IPCEF1: variants seen among roughly 807,000 people sequenced by gnomAD.
The protein encoded by IPCEF1 is interaction protein for cytohesin exchange factors 1, also known as interactor protein for cytohesin exchange factors 1.
Under a neutral mutation model 50.9 loss-of-function variants are expected in IPCEF1, and 31 were observed. The ratio of observed to expected loss-of-function variants is 0.61; its 90% CI spans 0.46 to 0.82. The LOEUF (loss-of-function observed/expected upper bound fraction) is 0.82. Among genes scored for constraint, IPCEF1 ranks in the 40% least tolerant of loss-of-function variants. The pLI, the probability that IPCEF1 is intolerant of heterozygous loss-of-function variation, is 0.00. For synonymous variants in IPCEF1, 181 were observed against 192.0 expected, an observed-to-expected ratio of 0.94 and a Z score of 0.47; for missense variants, 458 against 514.0, an observed-to-expected ratio of 0.89 and a Z score of 1.05.
intron 9 of IPCEF1, among the ~76,000 whole-genome samples, chr6:154,204,235 T>G (rs1048193244): frequency 6.6e-6 from 1 of 152,202 alleles, no homozygotes; most frequent in Non-Finnish European, 1.5e-5. Context: ...ATCCTTTTCT[T>G]GGAATTGTTT....
At chr6:154,337,491 G>T (rs1201189911) in intron 1 of IPCEF1, among the ~76,000 whole-genome samples, 4 of 152,170 alleles carry the variant, frequency 2.6e-5, no homozygotes, top group Non-Finnish European at 5.9e-5. Flanking sequence ...ATAAGCAAAA[G>T]AATCTCTGAG....
intron 11 of IPCEF1, among the ~76,000 whole-genome samples, chr6:154,162,220 G>C (rs935195829): frequency 6.6e-6 from 1 of 152,168 alleles, no homozygotes; most frequent in Admixed American, 6.5e-5. Context: ...TCTCTCCTCT[G>C]ACTCACCAAC....
chr6:154,226,510 C>A (rs1169379896), intron 5 of IPCEF1, among the ~76,000 whole-genome samples: 1 of 152,122 alleles, frequency 6.6e-6, no homozygotes, highest in Non-Finnish European at 1.5e-5. Context: ...GGTGCCCATG[C>A]AGGTAAACTC....
chr6:154,247,268 T>C (rs935023687), intron 4 of IPCEF1, 181 bp downstream of exon 4: 31 of 570,406 alleles, frequency 5.4e-5, no homozygotes, highest in Non-Finnish European at 9.1e-5. Flanking sequence ...TTAATCCAAA[T>C]GAACAACATG....
chr6:154,260,443 C>A (rs1781567967), intron 3 of IPCEF1, among the ~76,000 whole-genome samples: 1 of 151,422 alleles, frequency 6.6e-6, no homozygotes, highest in Admixed American at 6.6e-5. Flanking sequence ...TTTAGTTGAA[C>A]AGCGTTACTA....
intron 11 of IPCEF1, among the ~76,000 whole-genome samples, chr6:154,166,790 C>T (rs904024601): frequency 2.6e-5 from 4 of 152,108 alleles, no homozygotes; most frequent in African/African-American, 9.7e-5. Flanking sequence ...ACAGTAAAAT[C>T]CCAACACGCT....
intron 10 of IPCEF1, among the ~76,000 whole-genome samples, chr6:154,194,368 C>T (rs1165494979): frequency 6.6e-6 from 1 of 152,138 alleles, no homozygotes; most frequent in Non-Finnish European, 1.5e-5. Flanking sequence ...CATTGCACTC[C>T]AGCATGGGCA....
At chr6:154,324,764 C>T (rs778620735) in intron 1 of IPCEF1, among the ~76,000 whole-genome samples, 3 of 152,020 alleles carry the variant, frequency 2.0e-5, no homozygotes, top group Admixed American at 6.6e-5. Flanking sequence ...GCTGAGATCG[C>T]GCTACTGTAC....
At chr6:154,284,173 T>C (rs1471093110) in intron 2 of IPCEF1, among the ~76,000 whole-genome samples, 1 of 152,210 alleles carries the variant, frequency 6.6e-6, no homozygotes, top group Admixed American at 6.5e-5. Context: ...GAAAGTACCA[T>C]TAATATAATT....
At chr6:154,266,087 T>TAGCCTTTCGGCTA in intron 2 of IPCEF1, 123 bp from the exon 3 acceptor site, 1 of 632,614 alleles carries the variant, frequency 1.6e-6, no homozygotes, top group Non-Finnish European at 2.7e-6. Flanking sequence ...ATAAAAGTAA[T>TAGCCTTTCGGCTA]TCATTAAATA....
chr6:154,304,051 C>T (rs1782867220), intron 1 of IPCEF1, among the ~76,000 whole-genome samples: 1 of 149,856 alleles, frequency 6.7e-6, no homozygotes, highest in Admixed American at 6.6e-5. Context: ...ATAAGAAGAT[C>T]CCACTTTTGT....
rs1050505174 is a variant in IPCEF1, at chr6:154,154,812, G to C, written c.*5016C>G. 5.9e-5 allele frequency: 9 copies of C among 152,380 alleles called. No homozygotes were observed. 9.4% of individuals were successfully genotyped at this position (152,380 alleles called of 1,614,324 possible). On this transcript the variant is annotated 3_prime_UTR_variant, in exon 12 of 12. Coordinates refer to ENST00000367220, the MANE Select transcript of IPCEF1 (RefSeq NM_001130700.2). ...CCATGCCTCTTTTTCAGTTTAGAGG[G>C]GTAGCTGACACAGGATGAGAGCACA... is the stretch of plus-strand genomic sequence containing the variant.
intron 2 of IPCEF1, among the ~76,000 whole-genome samples, chr6:154,281,612 A>G (rs144634323): frequency 3.5e-3 from 529 of 152,288 alleles, no homozygotes; most frequent in Non-Finnish European, 5.8e-3. Context: ...CTGTAATCCC[A>G]GCACTTTGGG....
chr6:154,319,136 T>C (rs1053429760), intron 1 of IPCEF1, among the ~76,000 whole-genome samples: 34 of 152,320 alleles, frequency 2.2e-4, no homozygotes, highest in African/African-American at 7.0e-4. Context: ...GTGAATGAAG[T>C]ATATTAAAAT....
rs369796109 is a variant in IPCEF1, at chr6:154,252,235, T to C, written c.37-4747A>G. Among the ~76,000 whole-genome samples the C allele has an allele frequency of 9.2e-5, 14 of 151,994 alleles. No homozygotes were observed. In the East Asian group the frequency reaches 1.5e-3, roughly 17 times the overall value. ...AAACCAACATGCCCCAGAAAAGCAATAGAAGCCCAGCAAGGGGACTGTGCC... is the reference window on the plus strand; with the variant it reads ...AAACCAACATGCCCCAGAAAAGCAACAGAAGCCCAGCAAGGGGACTGTGCC... On this transcript the variant is annotated intron_variant, in intron 3 of 11. Coordinates refer to ENST00000367220, the MANE Select transcript of IPCEF1 (RefSeq NM_001130700.2).
intron 5 of IPCEF1, among the ~76,000 whole-genome samples, chr6:154,233,215 C>T (rs1293494020): frequency 2.0e-5 from 3 of 152,104 alleles, no homozygotes; most frequent in African/African-American, 4.8e-5. Flanking sequence ...GTGATCTGCC[C>T]GCCTCAGCCT....
chr6:154,213,534 C>T (rs1005984013), intron 8 of IPCEF1, among the ~76,000 whole-genome samples: 35 of 152,132 alleles, frequency 2.3e-4, no homozygotes, highest in African/African-American at 8.4e-4. Flanking sequence ...GCCACTTTTC[C>T]ATTTCTAACT....
chr6:154,191,415 T>C (rs1158403170), intron 10 of IPCEF1, among the ~76,000 whole-genome samples: 1 of 152,132 alleles, frequency 6.6e-6, no homozygotes, highest in Non-Finnish European at 1.5e-5. Flanking sequence ...GGCTCACGTC[T>C]GTAATCCCAG....
chr6:154,195,056 T>TTA (rs752623278), intron 10 of IPCEF1, among the ~76,000 whole-genome samples: 12 of 152,118 alleles, frequency 7.9e-5, no homozygotes, highest in Non-Finnish European at 1.5e-4. Context: ...ACCTCAGCTG[T>TTA]TATGCAGGCT....
Sources: allele counts gnomAD v4.1 joint callset (sites outside exome capture counted in the v4.1 genomes callset), GRCh38; gene constraint gnomAD v4.1.1; transcripts MANE v1.5; gene names NCBI Gene and HGNC (gene_info 2026-07-23, HGNC 2026-07-21).